The following QSER1 variants were observed in gnomAD, a reference collection of about 807,000 sequenced individuals.
The protein encoded by QSER1 is glutamine and serine-rich protein 1.
Under a neutral mutation model 158.5 loss-of-function variants are expected in QSER1, and 49 were observed. The observed-to-expected ratio is 0.31, with a 90% CI of 0.25 to 0.39. QSER1 has a LOEUF of 0.39. QSER1 is among the 10% of genes least tolerant of loss of function. QSER1 has a pLI of 1.00. For missense variants in QSER1, 1,754 were observed against 2,010.3 expected (o/e 0.87, Z 2.44); for synonymous variants, 650 against 715.5 (o/e 0.91, Z 1.46).
chr11:32,943,682 G>A (rs1387733978), intron 4 of QSER1, among the ~76,000 whole-genome samples: 2 of 151,272 alleles, frequency 1.3e-5, no homozygotes, highest in Non-Finnish European at 3.0e-5. Flanking sequence ...CAAGGATATT[G>A]GTCTAAAATT....
At chr11:32,950,716 TTCTC>T (rs887905949) in intron 4 of QSER1, among the ~76,000 whole-genome samples, 3 of 152,166 alleles carry the variant, frequency 2.0e-5, no homozygotes, top group Admixed American at 6.6e-5. Context: ...CCACAAATCT[TTCTC>T]TCTCTGTAGA....
In QSER1 at chr11:32,953,911, C is replaced by G; in HGVS notation, c.4232C>G (p.Thr1411Ser). Residue 1411 changes from threonine (T) to serine (S), a missense_variant, in exon 5 of 13, where the codon ACT (threonine) becomes AGT (serine). Physicochemically the swap from Thr to Ser is moderately conservative, Grantham distance 58 (BLOSUM62 1). Transcript: ENST00000650167. ...SPTANTTGTA[T>S]TSSTTVGAVK... ...ACTGCCAATACTACTGGTACTGCTA[C>G]TACTTCCTCAACCACTGTGGGTGCA... 6.2e-7 allele frequency: 1 copy of G among 1,614,194 alleles called. No individual in the cohort carries two copies. The highest frequency in any genetic ancestry group is 8.5e-7 in the Non-Finnish European group (1 of 1,180,000).
At chr11:32,931,554 AAAAG>A (rs923057535) in intron 3 of QSER1, among the ~76,000 whole-genome samples, 185 bp from the exon 4 acceptor site, 1 of 152,148 alleles carries the variant, frequency 6.6e-6, no homozygotes, top group African/African-American at 2.4e-5. Flanking sequence ...TCTTAAAAAA[AAAAG>A]AAAAGAAAGA....
In QSER1 at chr11:32,894,603, G is replaced by C. The variant is rs111979654; in HGVS notation, c.209+1269G>C. 3.5e-3 allele frequency among the ~76,000 whole-genome samples: 533 copies of C among 152,294 alleles called. 3 individuals are homozygous for C. Among genetic ancestry groups the C allele is most frequent in the African/African-American group, 0.012 (485 of 41,548 alleles). On this transcript the variant is annotated intron_variant, in intron 1 of 12. Transcript: ENST00000650167. ...CATGATTGAGCAAATAAGTGTGAAG[G>C]GTAGCTGGTCTTTGTCTTAGATTGT...
chr11:32,921,154 A>T (rs568800196), intron 1 of QSER1, among the ~76,000 whole-genome samples: 1 of 152,368 alleles, frequency 6.6e-6, no homozygotes, highest in Admixed American at 6.5e-5. Context: ...ACAATGGAAT[A>T]TTCAGCCCTA....
chr11:32,935,961 T>G (rs1053168421), intron 4 of QSER1, among the ~76,000 whole-genome samples: 2 of 152,174 alleles, frequency 1.3e-5, no homozygotes, highest in Non-Finnish European at 2.9e-5. Flanking sequence ...ACTTAAAAAT[T>G]TTATGCTGGC....
At chr11:32,944,573 T>C (rs1446062522) in intron 4 of QSER1, among the ~76,000 whole-genome samples, 1 of 151,892 alleles carries the variant, frequency 6.6e-6, no homozygotes, top group East Asian at 1.9e-4. Context: ...ACCTGAGTTC[T>C]AGTTTGATTG....
At position 32,931,803 on chromosome 11, in the gene QSER1, C is replaced by A; in HGVS notation, c.545C>A (p.Thr182Lys). Residue 182 changes from threonine (T) to lysine (K), a missense_variant, in exon 4 of 13, where the codon ACA (threonine) becomes AAA (lysine). Physicochemically the swap from Thr to Lys is moderately conservative, Grantham distance 78 (BLOSUM62 -1). Transcript: ENST00000650167. Reference protein sequence around the residue: ...FATGPLPSTGTLPPSLSAYQH... With the variant: ...FATGPLPSTGKLPPSLSAYQH... ...ACTGGACCTTTGCCAAGCACTGGAA[C>A]ACTTCCACCATCTCTCTCTGCTTAT... 6.2e-7 allele frequency: 1 copy of A among 1,613,844 alleles called. No individual in the cohort carries two copies. Among genetic ancestry groups the A allele is most frequent in the Non-Finnish European group, 8.5e-7 (1 of 1,179,864 alleles).
intron 3 of QSER1, among the ~76,000 whole-genome samples, chr11:32,929,682 T>A (rs1395563629): frequency 1.3e-5 from 2 of 152,150 alleles, no homozygotes; most frequent in African/African-American, 4.8e-5. Context: ...GTATTAGTGT[T>A]AGTGTGTTAG....
rs781398418 is a variant in QSER1, at chr11:32,928,082, C to T, written c.443C>T (p.Thr148Ile). Reference sequence around the variant, plus strand: ...ACTGCTCAGGCTGCTGCTTCAGGAACTACTCTCTTACCACAATTCAGGGCT... The same window carrying T: ...ACTGCTCAGGCTGCTGCTTCAGGAATTACTCTCTTACCACAATTCAGGGCT... ...SRTAQAAASG[T>I]TLLPQFRAPS... The change falls in exon 3 of 13, where the codon ACT (threonine) becomes ATT (isoleucine). Residue 148 changes from threonine (T) to isoleucine (I), a missense_variant. Transcript: ENST00000650167. 3.4e-5 allele frequency: 55 copies of T among 1,613,880 alleles called. No homozygotes were observed. The South Asian group carries it at 5.9e-4, about 17-fold the overall frequency.
intron 1 of QSER1, among the ~76,000 whole-genome samples, chr11:32,899,805 T>C (rs921652368): frequency 2.0e-5 from 3 of 152,200 alleles, no homozygotes; most frequent in African/African-American, 7.2e-5. Context: ...TTCTCTCCAC[T>C]GACCCTAGGT....
intron 1 of QSER1, among the ~76,000 whole-genome samples, chr11:32,917,820 T>TC (rs1851852739): frequency 5.3e-5 from 1 of 18,778 alleles, no homozygotes; most frequent in African/African-American, 1.3e-4. Flanking sequence ...AGACTCTGTC[T>TC]CAAAAAAAAA....
chr11:32,972,403 T>C (rs1029276416), intron 10 of QSER1, among the ~76,000 whole-genome samples: 1 of 145,506 alleles, frequency 6.9e-6, no homozygotes, highest in African/African-American at 2.6e-5. Flanking sequence ...AATAGGCCAG[T>C]GGCTTATTTA....
At chr11:32,919,117 G>C (rs940832012) in intron 1 of QSER1, among the ~76,000 whole-genome samples, 3 of 152,072 alleles carry the variant, frequency 2.0e-5, no homozygotes, top group Non-Finnish European at 4.4e-5. Context: ...CCTCTTATCT[G>C]TGACAGTTTT....
intron 1 of QSER1, among the ~76,000 whole-genome samples, chr11:32,904,704 A>AG (rs1462588338): frequency 4.2e-5 from 6 of 142,698 alleles, no homozygotes; most frequent in Non-Finnish European, 9.0e-5. Flanking sequence ...GCTCTTATCT[A>AG]GGGTCTTTGT....
At position 32,933,442 on chromosome 11, in the gene QSER1, G is replaced by T. The variant is rs1347057355; in HGVS notation, c.2184G>T (p.Val728=). The T allele has an allele frequency of 1.9e-6, 3 of 1,613,426 alleles. No homozygotes were observed. Among genetic ancestry groups the T allele is most frequent in the Non-Finnish European group, 2.5e-6 (3 of 1,179,788 alleles). ...ATGCTCAAGAATCAACTTATAAGGT[G>T]TCAAAGGCAGATGACAGATATTCTC... The part of the protein sequence containing the change: ...EINAQESTYK[V]SKADDRYSQS... Residue 728 remains valine (V), a synonymous_variant, in exon 4 of 13, where the codon GTG becomes GTT. Coordinates refer to ENST00000650167, the MANE Select transcript of QSER1 (RefSeq NM_001076786.3).
chr11:32,957,809 A>G, intron 7 of QSER1, 60 bp from the exon 8 acceptor site: 4 of 1,327,038 alleles, frequency 3.0e-6, no homozygotes, highest in Non-Finnish European at 4.2e-6. Context: ...TTATTTTTCT[A>G]TTTTATTTTA....
At position 32,896,940 on chromosome 11, in the gene QSER1, C is replaced by A. The variant is rs138119325; in HGVS notation, c.209+3606C>A. Among the ~76,000 whole-genome samples the A allele has an allele frequency of 2.9e-3, 438 of 152,236 alleles. 3 individuals carry two copies. Among genetic ancestry groups the A allele is most frequent in the African/African-American group, 9.6e-3 (399 of 41,538 alleles). On this transcript the variant is annotated intron_variant, in intron 1 of 12. Coordinates refer to ENST00000650167, the MANE Select transcript of QSER1 (RefSeq NM_001076786.3). ...GATCATAATTTGTAAGGCGTAAGAA[C>A]AATCTCAAGTTAATGAAAGGTTATT...
At chr11:32,962,803 C>T (rs1044315658) in intron 8 of QSER1, among the ~76,000 whole-genome samples, 1 of 152,174 alleles carries the variant, frequency 6.6e-6, no homozygotes, top group African/African-American at 2.4e-5. Flanking sequence ...CAAATTTTAT[C>T]ATTGGCAACA....
Sources: allele counts gnomAD v4.1 joint callset (sites outside exome capture counted in the v4.1 genomes callset), GRCh38; gene constraint gnomAD v4.1.1; transcripts MANE v1.5; gene names NCBI Gene and HGNC (gene_info 2026-07-23, HGNC 2026-07-21).